BBS9: variants seen among roughly 807,000 people sequenced by gnomAD.
The protein encoded by BBS9 is Bardet-Biedl syndrome 9, also known as protein PTHB1.
Under a neutral mutation model 117.7 loss-of-function variants are expected in BBS9, and 89 were observed. The ratio of observed to expected loss-of-function variants is 0.76; its 90% confidence interval spans 0.64 to 0.90. The LOEUF (loss-of-function observed/expected upper bound fraction) is 0.90. Among genes scored for constraint, BBS9 ranks in the 40% least tolerant of loss-of-function variants. BBS9 has a pLI of 0.00. For missense variants in BBS9, 982 were observed against 1,042.2 expected (o/e 0.94, Z 0.80); for synonymous variants, 379 against 370.9 (o/e 1.02, Z -0.25).
At chr7:33,292,767 G>A (rs2128403415) in intron 9 of BBS9, among the ~76,000 whole-genome samples, 1 of 152,192 alleles carries the variant, frequency 6.6e-6, no homozygotes, top group African/African-American at 2.4e-5. Context: ...CAGCACTTTG[G>A]GAAGCCAAGG....
chr7:33,148,705 C>T (rs970950803), intron 2 of BBS9, among the ~76,000 whole-genome samples: 1 of 147,542 alleles, frequency 6.8e-6, no homozygotes, highest in Admixed American at 6.8e-5. Flanking sequence ...TGCTCTGCTG[C>T]CCAGGATGGA....
At chr7:33,165,020 T>C (rs993451782) in intron 4 of BBS9, among the ~76,000 whole-genome samples, 3 of 152,172 alleles carry the variant, frequency 2.0e-5, no homozygotes, top group African/African-American at 7.2e-5. Flanking sequence ...GTAAGGCAGG[T>C]CTGGTGGTGA....
chr7:33,209,260 G>A (rs1310195435), intron 5 of BBS9, among the ~76,000 whole-genome samples: 2 of 152,074 alleles, frequency 1.3e-5, no homozygotes. Flanking sequence ...TCATGTTGTT[G>A]CAAATGACAG....
intron 19 of BBS9, among the ~76,000 whole-genome samples, chr7:33,502,432 T>G (rs1845586230): frequency 6.6e-6 from 1 of 152,200 alleles, no homozygotes; most frequent in African/African-American, 2.4e-5. Context: ...GCAAAGTGTT[T>G]CCAACATATG....
At chr7:33,274,209 A>G (rs1800322155) in intron 9 of BBS9, among the ~76,000 whole-genome samples, 1 of 152,238 alleles carries the variant, frequency 6.6e-6, no homozygotes, top group Admixed American at 6.5e-5. Context: ...TGGTGAAGAC[A>G]TCAAGAAAAT....
chr7:33,402,607 T>A (rs1489893323), intron 19 of BBS9, among the ~76,000 whole-genome samples: 2 of 152,234 alleles, frequency 1.3e-5, no homozygotes, highest in African/African-American at 4.8e-5. Flanking sequence ...TCATACAATA[T>A]GTAGTCTTTA....
chr7:33,570,111 T>G (rs1311732940), intron 21 of BBS9, among the ~76,000 whole-genome samples: 1 of 152,216 alleles, frequency 6.6e-6, no homozygotes, highest in Admixed American at 6.5e-5. Flanking sequence ...AAGGAAGTTT[T>G]GCATTAAATA....
At chr7:33,316,216 G>C (rs1416292353) in intron 9 of BBS9, among the ~76,000 whole-genome samples, 4 of 152,092 alleles carry the variant, frequency 2.6e-5, no homozygotes, top group Non-Finnish European at 5.9e-5. Flanking sequence ...TCATACAGTA[G>C]GTATGTTTTA....
At chr7:33,187,716 C>T (rs896115808) in intron 5 of BBS9, among the ~76,000 whole-genome samples, 2 of 151,902 alleles carry the variant, frequency 1.3e-5, no homozygotes, top group African/African-American at 4.8e-5. Context: ...GTCAGGAGTT[C>T]GAGACCAGCC....
chr7:33,620,951 A>G (rs966068752), intron 21 of BBS9, among the ~76,000 whole-genome samples: 2 of 152,218 alleles, frequency 1.3e-5, no homozygotes, highest in Non-Finnish European at 2.9e-5. Flanking sequence ...CAGTCAACTG[A>G]TCTTTAACAA....
chr7:33,152,541 T>G (rs1793499927), intron 2 of BBS9, among the ~76,000 whole-genome samples, 160 bp from the exon 3 acceptor site: 1 of 152,208 alleles, frequency 6.6e-6, no homozygotes, highest in Admixed American at 6.5e-5. Context: ...TAAGTACTCT[T>G]TAATTACACC....
chr7:33,551,518 A>C (rs1173349684), intron 21 of BBS9, among the ~76,000 whole-genome samples: 1 of 152,174 alleles, frequency 6.6e-6, no homozygotes, highest in Non-Finnish European at 1.5e-5. Context: ...TGGAAATTGT[A>C]CACTTTGTAC....
At chr7:33,524,443 T>C (rs1849148355) in intron 20 of BBS9, among the ~76,000 whole-genome samples, 1 of 152,250 alleles carries the variant, frequency 6.6e-6, no homozygotes, top group African/African-American at 2.4e-5. Context: ...TATTGGTTTA[T>C]TCAGAGATTC....
At chr7:33,200,858 A>G (rs183409738) in intron 5 of BBS9, among the ~76,000 whole-genome samples, 6 of 152,320 alleles carry the variant, frequency 3.9e-5, no homozygotes, top group African/African-American at 1.2e-4. Context: ...AAAATTGAGC[A>G]CTGTGAAAGT....
chr7:33,549,971 A>G (rs184033363), intron 21 of BBS9, among the ~76,000 whole-genome samples: 16 of 152,334 alleles, frequency 1.1e-4, no homozygotes, highest in African/African-American at 3.6e-4. Flanking sequence ...TTCAAATATG[A>G]GGATGAAAAA....
intron 5 of BBS9, among the ~76,000 whole-genome samples, chr7:33,189,756 T>G (rs560368167): frequency 2.0e-5 from 3 of 151,084 alleles, no homozygotes; most frequent in South Asian, 4.2e-4. Context: ...CGTGGTGGCA[T>G]GTGCCTGTAG....
intron 4 of BBS9, among the ~76,000 whole-genome samples, chr7:33,159,698 C>T (rs1794574245): frequency 6.6e-6 from 1 of 152,324 alleles, no homozygotes; most frequent in East Asian, 1.9e-4. Context: ...TCATAGGTTA[C>T]AGTGCCCTCA....
intron 9 of BBS9, among the ~76,000 whole-genome samples, chr7:33,281,392 G>C (rs1354424533): frequency 8.0e-5 from 3 of 37,398 alleles, no homozygotes; most frequent in African/African-American, 1.1e-4. Context: ...TTTTTTTTTT[G>C]AGGCAGGGTC....
chr7:33,162,887 A>G (rs1795075458), intron 4 of BBS9, among the ~76,000 whole-genome samples: 1 of 152,144 alleles, frequency 6.6e-6, no homozygotes, highest in South Asian at 2.1e-4. Context: ...GTCGTGAGAG[A>G]GGGCATCTCT....
Sources: allele counts gnomAD v4.1 joint callset (sites outside exome capture counted in the v4.1 genomes callset), GRCh38; gene constraint gnomAD v4.1.1; transcripts MANE v1.5; gene names NCBI Gene and HGNC (gene_info 2026-07-23, HGNC 2026-07-21).